STK31: variants seen among roughly 807,000 people sequenced by gnomAD.
STK31 encodes the protein serine/threonine-protein kinase 31.
In STK31, 89 loss-of-function variants were observed where a neutral mutation model predicts 129.7. The observed-to-expected ratio is 0.69, with a 90% CI of 0.58 to 0.82. The LOEUF is 0.82. Among genes scored for constraint, STK31 ranks in the 40% least tolerant of loss-of-function variants. The pLI, the probability that STK31 is intolerant of heterozygous loss-of-function variation, is 0.00. For synonymous variants in STK31, 448 were observed against 395.3 expected (o/e 1.13, Z -1.58); for missense variants, 1,187 against 1,176.4 (o/e 1.01, Z -0.13).
intron 8 of STK31, among the ~76,000 whole-genome samples, chr7:23,746,867 A>G (rs1036886580): frequency 2.6e-5 from 4 of 151,938 alleles, no homozygotes; most frequent in Non-Finnish European, 5.9e-5. Flanking sequence ...TTAACTTACT[A>G]ACTTATTTAA....
chr7:23,826,468 C>G (rs1331333790), intron 23 of STK31, among the ~76,000 whole-genome samples: 1 of 152,092 alleles, frequency 6.6e-6, no homozygotes, highest in African/African-American at 2.4e-5. Context: ...TTCCTCCATC[C>G]CTTTATTTTG....
At chr7:23,713,502 C>G (rs955990938) in intron 3 of STK31, among the ~76,000 whole-genome samples, 4 of 152,120 alleles carry the variant, frequency 2.6e-5, no homozygotes, top group Non-Finnish European at 5.9e-5. Flanking sequence ...CCTTAGCTTA[C>G]TGTAACTTTT....
chr7:23,730,625 T>C (rs1013329566), intron 6 of STK31, among the ~76,000 whole-genome samples: 2 of 151,688 alleles, frequency 1.3e-5, no homozygotes, highest in African/African-American at 4.8e-5. Context: ...TCTAGAATAA[T>C]TAAATGACTT....
At position 23,735,868 on chromosome 7, in the gene STK31, G is replaced by T; in HGVS notation, c.814G>T (p.Asp272Tyr). 1 of 1,589,058 alleles carries T rather than the reference G, an allele frequency of 6.3e-7. No homozygotes were observed. ...KMTLDLKDEN[D>Y]AGNLITFPKE... is the part of the protein sequence containing the mutation. ...GACTCTTGACTTGAAGGATGAAAAT[G>T]ATGCAGGCAATCTTATAACATTTCC... The change falls in exon 7 of 24, where the codon GAT becomes TAT. Residue 272 changes from aspartate (D) to tyrosine (Y), a missense_variant. By Grantham distance (160) the Asp-to-Tyr change is radical. Transcript: ENST00000355870.
intron 6 of STK31, among the ~76,000 whole-genome samples, chr7:23,730,898 G>C (rs1418071045): frequency 9.9e-5 from 3 of 30,266 alleles, no homozygotes; most frequent in Admixed American, 4.4e-4. Context: ...TTTTTTTTTG[G>C]TTGGGGGTTG....
intron 1 of STK31, among the ~76,000 whole-genome samples, chr7:23,711,798 G>A (rs1785982860): frequency 6.6e-6 from 1 of 152,108 alleles, no homozygotes; most frequent in South Asian, 2.1e-4. Context: ...TATGTACATT[G>A]TTTCAAAGTA....
intron 4 of STK31, among the ~76,000 whole-genome samples, chr7:23,720,180 A>C (rs778977852): frequency 1.3e-5 from 2 of 152,220 alleles, no homozygotes; most frequent in African/African-American, 2.4e-5. Flanking sequence ...AAACACGAAA[A>C]ATATGGGAAG....
intron 21 of STK31, among the ~76,000 whole-genome samples, chr7:23,790,408 A>G (rs1333675789): frequency 1.3e-5 from 2 of 152,198 alleles, no homozygotes; most frequent in Non-Finnish European, 2.9e-5. Flanking sequence ...CATCTTTGAC[A>G]TGTTAGAAAT....
At chr7:23,776,725 C>T (rs1480984363) in intron 15 of STK31, among the ~76,000 whole-genome samples, 1 of 151,550 alleles carries the variant, frequency 6.6e-6, no homozygotes, top group Non-Finnish European at 1.5e-5. Context: ...CTTTATTAGT[C>T]TGGCTAGTGG....
chr7:23,725,144 G>A (rs865981304), intron 4 of STK31, among the ~76,000 whole-genome samples: 1 of 152,022 alleles, frequency 6.6e-6, no homozygotes, highest in African/African-American at 2.4e-5. Flanking sequence ...GAACTTTGGA[G>A]GGCTACAGAC....
At chr7:23,733,546 C>T (rs1251283360) in intron 6 of STK31, among the ~76,000 whole-genome samples, 1 of 152,002 alleles carries the variant, frequency 6.6e-6, no homozygotes, top group Non-Finnish European at 1.5e-5. Context: ...CGGTGTCTCA[C>T]GCCTGTAATC....
intron 8 of STK31, among the ~76,000 whole-genome samples, chr7:23,740,300 T>C (rs1787979769): frequency 6.6e-6 from 1 of 152,170 alleles, no homozygotes; most frequent in Non-Finnish European, 1.5e-5. Context: ...TTTTTTTTCT[T>C]TTTGATGCAC....
intron 22 of STK31, among the ~76,000 whole-genome samples, chr7:23,802,152 A>G (rs1353330776): frequency 1.3e-5 from 2 of 152,194 alleles, no homozygotes; most frequent in Non-Finnish European, 2.9e-5. Flanking sequence ...CACCTCACTC[A>G]GAGGAGGCAG....
intron 23 of STK31, among the ~76,000 whole-genome samples, chr7:23,830,265 T>C (rs1303804759): frequency 1.3e-5 from 2 of 152,190 alleles, no homozygotes; most frequent in African/African-American, 4.8e-5. Context: ...GTGGATCCTT[T>C]GTATTTTTTT....
At chr7:23,784,803 T>G (rs1791163084) in intron 17 of STK31, among the ~76,000 whole-genome samples, 2 of 152,156 alleles carry the variant, frequency 1.3e-5, no homozygotes, top group African/African-American at 4.8e-5. Context: ...ATTATTCCTT[T>G]TAAAAAGTAG....
At chr7:23,777,787 C>A (rs1227420453) in intron 15 of STK31, among the ~76,000 whole-genome samples, 1 of 152,054 alleles carries the variant, frequency 6.6e-6, no homozygotes, top group African/African-American at 2.4e-5. Context: ...GACTCTTTAT[C>A]CAATTTGCCA....
At chr7:23,719,201 T>C (rs1317289760) in intron 4 of STK31, among the ~76,000 whole-genome samples, 1 of 152,048 alleles carries the variant, frequency 6.6e-6, no homozygotes, top group African/African-American at 2.4e-5. Flanking sequence ...AATGATAAAG[T>C]CACAACTGTA....
At chr7:23,814,242 T>G (rs1482756150) in intron 22 of STK31, among the ~76,000 whole-genome samples, 1 of 150,938 alleles carries the variant, frequency 6.6e-6, no homozygotes, top group Non-Finnish European at 1.5e-5. Context: ...TTTTCTTCCT[T>G]TTTTAAACCT....
chr7:23,797,645 C>T (rs1792058591), intron 22 of STK31, among the ~76,000 whole-genome samples: 1 of 152,124 alleles, frequency 6.6e-6, no homozygotes, highest in South Asian at 2.1e-4. Flanking sequence ...ACTAAATGCC[C>T]ACAGGAGAAA....
Sources: gnomAD v4.1 joint callset for allele counts (sites outside exome capture counted in the v4.1 genomes callset) on GRCh38, gnomAD v4.1.1 for gene constraint, MANE v1.5 for transcripts, NCBI Gene and HGNC (gene_info 2026-07-23, HGNC 2026-07-21) for gene names.